Variants in ADCY1 observed in about 807,000 individuals in gnomAD.
ADCY1 encodes adenylate cyclase 1.
A neutral mutation model predicts 105.4 loss-of-function variants in ADCY1; 28 were observed. That is an observed-to-expected ratio of 0.27 (90% confidence interval 0.20 to 0.36). The LOEUF is 0.36. Among genes scored for constraint, ADCY1 ranks in the 10% least tolerant of loss-of-function variants. The pLI is 1.00. For missense variants in ADCY1, 977 were observed against 1,434.2 expected (o/e 0.68, Z 5.15); for synonymous variants, 655 against 623.8 (o/e 1.05, Z -0.75).
rs973101510 is a variant in ADCY1 at position 45,575,289 on chromosome 7, A to G, written c.639+107A>G. 1.4e-6 allele frequency: 2 copies of G among 1,389,086 alleles called. No individual in the cohort carries two copies. Among genetic ancestry groups the G allele is most frequent in the African/African-American group, 1.4e-5 (1 of 69,012 alleles). The allele number at this position is 1,389,086 out of a possible 1,614,324, so 86.0% of individuals were successfully genotyped here. ...TTTTTCCTATGCGGCGGGTGGGGACACTGAGGCTCCGAGTGGGGGTGTGTT... is the reference window on the plus strand; with the variant it reads ...TTTTTCCTATGCGGCGGGTGGGGACGCTGAGGCTCCGAGTGGGGGTGTGTT... On this transcript the variant is annotated intron_variant, in intron 1 of 19. Transcript: ENST00000297323. This position sits in a 1 kb window ranked among gnomAD's most constrained non-coding sequence, Gnocchi z 4.7.
In ADCY1 at chr7:45,701,817, G is replaced by C. The variant is rs377331406; in HGVS notation, c.2455-1559G>C. Among the ~76,000 whole-genome samples the C allele has an allele frequency of 2.4e-4, 36 of 152,328 alleles. No individual in the cohort carries two copies. In the South Asian group the frequency reaches 7.5e-3, roughly 32 times the overall value. On this transcript the variant is annotated intron_variant, in intron 14 of 19. Transcript: ENST00000297323. ...AGCACTGTGCCCAGACAGCCGCTGC[G>C]TGGGCAGAGTGTGGCTCCAGCCCAT...
At chr7:45,657,023 TG>T (rs932485168) in intron 5 of ADCY1, among the ~76,000 whole-genome samples, 5 of 152,242 alleles carry the variant, frequency 3.3e-5, no homozygotes, top group African/African-American at 1.2e-4. Flanking sequence ...CAGGCTGGCC[TG>T]GGGTTTCCCA....
At chr7:45,614,188 A>G (rs1261714190) in intron 3 of ADCY1, among the ~76,000 whole-genome samples, 1 of 152,186 alleles carries the variant, frequency 6.6e-6, no homozygotes, top group African/African-American at 2.4e-5. Flanking sequence ...CAAAAGTATT[A>G]AAAATAAATA....
At chr7:45,624,077 A>G (rs1793983252) in intron 4 of ADCY1, among the ~76,000 whole-genome samples, 1 of 152,144 alleles carries the variant, frequency 6.6e-6, no homozygotes, top group Non-Finnish European at 1.5e-5. Flanking sequence ...GGTGACAGTG[A>G]AGAGTCTTGA....
chr7:45,689,799 C>G (rs116173330), intron 14 of ADCY1, among the ~76,000 whole-genome samples: 50 of 152,308 alleles, frequency 3.3e-4, no homozygotes, highest in African/African-American at 1.2e-3. Context: ...GAAGCAAAGC[C>G]AGGCATACTG....
At chr7:45,659,008 G>C (rs1027703614) in intron 6 of ADCY1, among the ~76,000 whole-genome samples, 6 of 152,236 alleles carry the variant, frequency 3.9e-5, no homozygotes, top group African/African-American at 1.4e-4. Flanking sequence ...AGATGGGGCA[G>C]CACAGGGACA....
chr7:45,683,298 A>G (rs1784597964), intron 11 of ADCY1, among the ~76,000 whole-genome samples: 1 of 152,166 alleles, frequency 6.6e-6, no homozygotes, highest in South Asian at 2.1e-4. Context: ...CTGAACATCC[A>G]GCCAAACCGT....
At chr7:45,681,795 A>G (rs1784560853) in intron 11 of ADCY1, among the ~76,000 whole-genome samples, 1 of 152,174 alleles carries the variant, frequency 6.6e-6, no homozygotes. Context: ...GGTCAGGGCC[A>G]CCCAGCAGAA....
At chr7:45,638,516 T>C (rs1441025108) in intron 4 of ADCY1, among the ~76,000 whole-genome samples, 2 of 152,052 alleles carry the variant, frequency 1.3e-5, no homozygotes, top group Non-Finnish European at 2.9e-5. Flanking sequence ...TTGTTTGGTT[T>C]TTCTTTGTGC....
Position 45,719,480 on chromosome 7 carries a change from A to G in ADCY1, c.*5485A>G, listed in dbSNP as rs1331766843. Reference sequence around the variant, plus strand: ...CACATTTTGGGGCTAGACTTCCCTAAACAACATGCCATTGTGAAATAATGC... The same window carrying G: ...CACATTTTGGGGCTAGACTTCCCTAGACAACATGCCATTGTGAAATAATGC... On this transcript the variant is annotated 3_prime_UTR_variant, in exon 20 of 20. Transcript: ENST00000297323. 1 of 152,220 alleles carries G rather than the reference A, an allele frequency of 6.6e-6. No individual in the cohort carries two copies. The highest frequency in any genetic ancestry group is 1.5e-5 in the Non-Finnish European group (1 of 68,040). The allele number at this position is 152,220 out of a possible 1,614,324, so 9.4% of individuals were successfully genotyped here.
At position 45,721,937 on chromosome 7, in the gene ADCY1, T is replaced by A. The variant is rs985148349; in HGVS notation, c.*7942T>A. 7.5e-6 allele frequency: 3 copies of A among 398,180 alleles called. No individual in the cohort carries two copies. Among genetic ancestry groups the A allele is most frequent in the Non-Finnish European group, 1.3e-5 (3 of 225,984 alleles). 24.7% of individuals were successfully genotyped at this position (398,180 alleles called of 1,614,324 possible). ...CTAGATGAACTCCCAAGAGATCTAT[T>A]AAATCTTGTGGGCTGAATAAATATC... On this transcript the variant is annotated 3_prime_UTR_variant, in exon 20 of 20. Coordinates refer to ENST00000297323, the MANE Select transcript of ADCY1 (RefSeq NM_021116.4).
rs560394303 is a variant in ADCY1, at chr7:45,656,804, C to T, written c.1149-923C>T. 1.5e-3 allele frequency among the ~76,000 whole-genome samples: 236 copies of T among 152,336 alleles called. 1 individual carries two copies. Among genetic ancestry groups the T allele is most frequent in the African/African-American group, 5.6e-3 (232 of 41,576 alleles). On this transcript the variant is annotated intron_variant, in intron 5 of 19. Coordinates refer to ENST00000297323, the MANE Select transcript of ADCY1 (RefSeq NM_021116.4). ...GGCTGAGCTGGTTTGCTGTCACCACCTGATGGCCCACCCCTTAGTCCTTGG... is the reference window on the plus strand; with the variant it reads ...GGCTGAGCTGGTTTGCTGTCACCACTTGATGGCCCACCCCTTAGTCCTTGG...
intron 2 of ADCY1, among the ~76,000 whole-genome samples, chr7:45,597,370 C>T (rs1793106543): frequency 6.6e-6 from 1 of 152,228 alleles, no homozygotes; most frequent in Non-Finnish European, 1.5e-5. Context: ...CCAGATCGTT[C>T]TTGCCCCGTT....
chr7:45,711,737 A>G (rs13226264), intron 19 of ADCY1, among the ~76,000 whole-genome samples: 13 of 142,738 alleles, frequency 9.1e-5, no homozygotes, highest in African/African-American at 3.1e-4. Flanking sequence ...ATATGTGTGT[A>G]TATATACGTG....
chr7:45,618,676 C>T (rs2115907999), intron 3 of ADCY1, among the ~76,000 whole-genome samples: 1 of 152,292 alleles, frequency 6.6e-6, no homozygotes, highest in Admixed American at 6.5e-5. Context: ...AATCATCTCA[C>T]CCCAGTTAGA....
At chr7:45,678,340 G>T in intron 10 of ADCY1, 77 bp downstream of exon 10, 2 of 1,398,334 alleles carry the variant, frequency 1.4e-6, no homozygotes. Context: ...TGTTTCTGGG[G>T]TTCGTGGTTG....
chr7:45,615,614 C>G lies in ADCY1; in HGVS notation c.908+5117C>G, dbSNP rs533252245. ...AAGACCCTATCTCAACAAAACAAAA[C>G]AAACAAACAAAAAAACCTGAAAATA... On this transcript the variant is annotated intron_variant, in intron 3 of 19. Transcript: ENST00000297323. Among the ~76,000 whole-genome samples, 210 of 152,020 alleles carry G rather than the reference C, an allele frequency of 1.4e-3. 1 individual carries two copies. The highest frequency in any genetic ancestry group is 6.7e-3 in the Admixed American group (102 of 15,264).
Position 45,710,667 on chromosome 7 carries a change from A to G in ADCY1, c.3057+15A>G, listed in dbSNP as rs577358251. On this transcript the variant is annotated intron_variant, in intron 19 of 19. Coordinates refer to ENST00000297323, the MANE Select transcript of ADCY1 (RefSeq NM_021116.4). The surrounding 1 kb of genome is among the most constrained non-coding windows in gnomAD (Gnocchi z 4.7). Reference sequence around the variant, plus strand: ...GCAGAATCCAGGTCAGTTCACCAAGAAACCCCTAAGGCATGGGTGCCCATT... The same window carrying G: ...GCAGAATCCAGGTCAGTTCACCAAGGAACCCCTAAGGCATGGGTGCCCATT... The G allele has an allele frequency of 5.6e-6, 9 of 1,607,900 alleles. No individual in the cohort carries two copies. In the East Asian group the frequency reaches 6.7e-5, roughly 12 times the overall value.
rs1443111845 is a variant in ADCY1, at chr7:45,592,682, G to T, written c.640-77G>T. ...GTGGCTTTTGGAGAGCTCTTGCTAT[G>T]CTCTCCGGGCGGCCTAGGCCCTCTT... On this transcript the variant is annotated intron_variant, in intron 1 of 19. Transcript: ENST00000297323. 6.3e-6 allele frequency: 10 copies of T among 1,587,672 alleles called. No individual in the cohort carries two copies. In the African/African-American group the frequency reaches 1.2e-4, roughly 19 times the overall value.
Sources: allele counts gnomAD v4.1 joint callset (sites outside exome capture counted in the v4.1 genomes callset), GRCh38; gene constraint gnomAD v4.1.1; non-coding constraint Gnocchi (gnomAD v3.1); transcripts MANE v1.5; gene names NCBI Gene and HGNC (gene_info 2026-07-23, HGNC 2026-07-21).